Variants in TRDN observed in about 807,000 individuals in gnomAD.
The protein encoded by TRDN is triadin in skeletal muscle.
TRDN carries 161 observed loss-of-function variants against 149.7 expected under a neutral mutation model. The observed-to-expected ratio is 1.08, with a 90% confidence interval of 0.95 to 1.23. The LOEUF (loss-of-function observed/expected upper bound fraction) is 1.23, where lower values mean the gene tolerates loss of function less well. Among genes scored for constraint, TRDN ranks in the 50% most tolerant of loss-of-function variants. The probability of loss-of-function intolerance (pLI) is 0.00; values close to 1 mark genes in which losing one functional copy is unlikely to be tolerated. For synonymous variants in TRDN, 294 were observed against 250.5 expected (o/e 1.17, Z -1.64); for missense variants, 896 against 823.5 (o/e 1.09, Z -1.08).
At chr6:123,539,223 C>A (rs1780701185) in intron 4 of TRDN, among the ~76,000 whole-genome samples, 1 of 152,144 alleles carries the variant, frequency 6.6e-6, no homozygotes. Context: ...ATCAATGTTT[C>A]TCAAATTTTA....
chr6:123,346,462 T>G (rs1316255383), intron 21 of TRDN, among the ~76,000 whole-genome samples: 1 of 151,994 alleles, frequency 6.6e-6, no homozygotes, highest in Non-Finnish European at 1.5e-5. Flanking sequence ...ACTAACTGTA[T>G]TGTAATCTTT....
intron 4 of TRDN, among the ~76,000 whole-genome samples, chr6:123,539,993 A>G (rs904307727): frequency 1.3e-5 from 2 of 152,254 alleles, no homozygotes; most frequent in African/African-American, 4.8e-5. Context: ...GAGGTAATCT[A>G]GAATTCTGAA....
At chr6:123,328,603 A>G (rs1279739788) in intron 23 of TRDN, among the ~76,000 whole-genome samples, 2 of 152,120 alleles carry the variant, frequency 1.3e-5, no homozygotes, top group African/African-American at 4.8e-5. Context: ...TCATAGTGTT[A>G]GTAGGGATAT....
In TRDN at chr6:123,385,289, G is replaced by T. The variant is rs146057354; in HGVS notation, c.1136-3142C>A. 3.2e-3 allele frequency among the ~76,000 whole-genome samples: 485 copies of T among 152,134 alleles called. 4 individuals carry two copies. Among genetic ancestry groups the T allele is most frequent in the African/African-American group, 0.011 (440 of 41,510 alleles). On this transcript the variant is annotated intron_variant, in intron 14 of 40. Coordinates refer to ENST00000334268, the MANE Select transcript of TRDN (RefSeq NM_006073.4). ...AAAAATACAAAAAAATTAGCCGGGT[G>T]TGGTAGCAGCCGCCTGTAGTACCAA...
intron 12 of TRDN, among the ~76,000 whole-genome samples, chr6:123,415,187 G>T (rs948626687): frequency 1.1e-4 from 16 of 152,172 alleles, no homozygotes; most frequent in Non-Finnish European, 2.1e-4. Context: ...CTTATTGAGT[G>T]ATCAGGCTGA....
intron 8 of TRDN, among the ~76,000 whole-genome samples, chr6:123,500,373 T>C (rs1562349131): frequency 6.6e-6 from 1 of 152,108 alleles, no homozygotes; most frequent in Non-Finnish European, 1.5e-5. Flanking sequence ...GGTAGGTATG[T>C]GTTGGGAAGT....
intron 7 of TRDN, among the ~76,000 whole-genome samples, chr6:123,504,414 G>T (rs1359583561): frequency 6.6e-6 from 1 of 152,098 alleles, no homozygotes; most frequent in Non-Finnish European, 1.5e-5. Context: ...TAATGCAAGT[G>T]TAAAATTATC....
At chr6:123,614,314 A>C (rs1784974802) in intron 1 of TRDN, among the ~76,000 whole-genome samples, 1 of 135,472 alleles carries the variant, frequency 7.4e-6, no homozygotes, top group Non-Finnish European at 1.5e-5. Context: ...AAAAAAAAAA[A>C]CAAAAAAAAC....
intron 13 of TRDN, among the ~76,000 whole-genome samples, chr6:123,388,909 CA>C (rs1782007483): frequency 4.6e-5 from 7 of 151,844 alleles, no homozygotes; most frequent in Admixed American, 4.6e-4. Context: ...CTGGATTAAT[CA>C]AAAAAAGTGG....
chr6:123,590,080 A>C (rs1040128927), intron 1 of TRDN, among the ~76,000 whole-genome samples: 2 of 152,154 alleles, frequency 1.3e-5, no homozygotes. Context: ...ATGACTAGAG[A>C]TATGTTACAG....
intron 10 of TRDN, among the ~76,000 whole-genome samples, chr6:123,447,771 CAA>C (rs570554964): frequency 1.1e-4 from 11 of 101,124 alleles, no homozygotes; most frequent in Admixed American, 1.0e-4. Flanking sequence ...AGATCAGTTT[CAA>C]AAAAAAAAAA....
intron 12 of TRDN, among the ~76,000 whole-genome samples, chr6:123,396,580 C>T: frequency 6.6e-6 from 1 of 152,066 alleles, no homozygotes; most frequent in Non-Finnish European, 1.5e-5. Flanking sequence ...CAGCATAATT[C>T]ACTTGGGGGT....
At chr6:123,415,301 A>T (rs181681989) in intron 12 of TRDN, among the ~76,000 whole-genome samples, 1 of 152,342 alleles carries the variant, frequency 6.6e-6, no homozygotes, top group East Asian at 1.9e-4. Flanking sequence ...TACAAATTAT[A>T]AAAATATTTA....
rs1162190609 is a variant in TRDN at position 123,574,857 on chromosome 6, CAT to C, written c.23-3727_23-3726del. Reference sequence around the variant, plus strand: ...AAAACAGAACATGAATTTATATATACATATATATATATATATATATATATATA... The same window carrying C: ...AAAACAGAACATGAATTTATATATACATATATATATATATATATATATATA... On this transcript the variant is annotated intron_variant, in intron 1 of 40. Coordinates refer to ENST00000334268, the MANE Select transcript of TRDN (RefSeq NM_006073.4). 9.5e-3 allele frequency among the ~76,000 whole-genome samples: 482 copies of C among 50,536 alleles called. 2 individuals are homozygous for C. Among genetic ancestry groups the C allele is most frequent in the Admixed American group, 0.011 (44 of 3,858 alleles). The allele number at this position is 50,536 out of a possible 152,430, so 33.2% of individuals were successfully genotyped here. A position where few individuals can be genotyped will look rare whatever the true frequency, so the allele number is the denominator to read the frequency against.
At chr6:123,413,301 C>T (rs1462604902) in intron 12 of TRDN, among the ~76,000 whole-genome samples, 2 of 152,172 alleles carry the variant, frequency 1.3e-5, no homozygotes, top group African/African-American at 2.4e-5. Flanking sequence ...CCTGTGATTG[C>T]TCCCAAAACA....
At chr6:123,594,373 C>T (rs1304838517) in intron 1 of TRDN, among the ~76,000 whole-genome samples, 1 of 152,010 alleles carries the variant, frequency 6.6e-6, no homozygotes. Context: ...CTAATCCAGA[C>T]TAATCCAGAC....
At chr6:123,416,775 C>G (rs1291173128) in intron 12 of TRDN, among the ~76,000 whole-genome samples, 1 of 151,282 alleles carries the variant, frequency 6.6e-6, no homozygotes, top group Non-Finnish European at 1.5e-5. Context: ...AATCTCAGCT[C>G]GCTGAAACCT....
chr6:123,503,378 T>G, intron 8 of TRDN: 1 of 985,242 alleles, frequency 1.0e-6, no homozygotes, highest in South Asian at 4.7e-5. Flanking sequence ...CTCCAAAGAG[T>G]ATGACACATA....
chr6:123,271,920 C>T (rs543290514), intron 29 of TRDN, among the ~76,000 whole-genome samples: 8 of 151,786 alleles, frequency 5.3e-5, no homozygotes, highest in Non-Finnish European at 1.2e-4. Flanking sequence ...TGTCACTTCT[C>T]TTTATTTCAC....
Sources: allele counts gnomAD v4.1 joint callset (sites outside exome capture counted in the v4.1 genomes callset), GRCh38; gene constraint gnomAD v4.1.1; transcripts MANE v1.5; gene names NCBI Gene and HGNC (gene_info 2026-07-23, HGNC 2026-07-21).